Variants in GRIN2A observed in about 807,000 individuals in gnomAD.
The protein encoded by GRIN2A is glutamate receptor ionotropic, NMDA 2A.
A neutral mutation model predicts 113.4 loss-of-function variants in GRIN2A; 22 were observed. That is an observed-to-expected ratio of 0.19 (90% CI 0.14 to 0.28). The LOEUF (loss-of-function observed/expected upper bound fraction) is 0.28. Among genes scored for constraint, GRIN2A ranks in the 10% least tolerant of loss-of-function variants. GRIN2A has a pLI of 1.00. For synonymous variants in GRIN2A, 827 were observed against 738.4 expected (o/e 1.12, Z -1.94); for missense variants, 1,502 against 1,887.0 (o/e 0.80, Z 3.78).
At chr16:10,043,990 C>CGTGT (rs754929136) in intron 2 of GRIN2A, among the ~76,000 whole-genome samples, 3 of 107,600 alleles carry the variant, frequency 2.8e-5, no homozygotes, top group South Asian at 3.7e-4. Context: ...TATACACATA[C>CGTGT]GTGTGTGTGT....
At chr16:10,030,561 G>C (rs1013643040) in intron 2 of GRIN2A, among the ~76,000 whole-genome samples, 1 of 152,172 alleles carries the variant, frequency 6.6e-6, no homozygotes, top group African/African-American at 2.4e-5. Context: ...TCTCACACAA[G>C]GATCAGGCGT....
chr16:10,160,027 C>G (rs1233518442), intron 2 of GRIN2A, among the ~76,000 whole-genome samples: 2 of 152,204 alleles, frequency 1.3e-5, no homozygotes, highest in East Asian at 3.9e-4. Context: ...AGAGGGAGCA[C>G]AGCTTTGCTG....
intron 2 of GRIN2A, among the ~76,000 whole-genome samples, chr16:10,076,100 G>T (rs560661575): frequency 6.6e-6 from 1 of 152,114 alleles, no homozygotes; most frequent in African/African-American, 2.4e-5. Flanking sequence ...CCTTAGGATC[G>T]GACATAGGGC....
At chr16:9,834,019 G>C (rs945037974) in intron 8 of GRIN2A, 86 bp downstream of exon 8, 1 of 1,326,364 alleles carries the variant, frequency 7.5e-7, no homozygotes, top group Non-Finnish European at 1.1e-6. Flanking sequence ...GCCTGGTCTA[G>C]AGTAATGTGT....
At chr16:9,805,480 TCAAAC>T (rs1447853946) in intron 10 of GRIN2A, 1 of 152,106 alleles carries the variant, frequency 6.6e-6, no homozygotes, top group African/African-American at 2.4e-5. Flanking sequence ...TTTTTTCAGA[TCAAAC>T]CAAACCCTTG....
chr16:9,902,048 A>G (rs1243329551), intron 3 of GRIN2A, among the ~76,000 whole-genome samples: 1 of 151,986 alleles, frequency 6.6e-6, no homozygotes, highest in African/African-American at 2.4e-5. Context: ...GAGAAAACAG[A>G]GGTGGGTTTT....
At chr16:9,863,422 A>G (rs1033544766) in intron 4 of GRIN2A, among the ~76,000 whole-genome samples, 1 of 152,076 alleles carries the variant, frequency 6.6e-6, no homozygotes, top group Non-Finnish European at 1.5e-5. Context: ...TGACAGTTTT[A>G]CTTCTTCCAT....
chr16:9,923,645 G>C (rs1278139448), intron 3 of GRIN2A, among the ~76,000 whole-genome samples: 6 of 151,940 alleles, frequency 3.9e-5, no homozygotes, highest in African/African-American at 1.5e-4. Context: ...TTATCTTCAA[G>C]TGATGTTATA....
intron 10 of GRIN2A, among the ~76,000 whole-genome samples, chr16:9,810,818 C>A (rs974105041): frequency 6.6e-6 from 1 of 152,178 alleles, no homozygotes. Context: ...ACTGGGGACA[C>A]CTGAAGGTGC....
chr16:9,845,208 C>T (rs1057361152), intron 5 of GRIN2A, among the ~76,000 whole-genome samples: 7 of 152,080 alleles, frequency 4.6e-5, no homozygotes, highest in Non-Finnish European at 7.4e-5. Flanking sequence ...AAACCAAAAA[C>T]GTGAATTTGA....
At position 9,757,633 on chromosome 16, in the gene GRIN2A, G is replaced by C. The variant is rs1259125482; in HGVS notation, c.*5516C>G. 4.5e-6 allele frequency: 1 copy of C among 222,138 alleles called. No individual in the cohort carries two copies. Among genetic ancestry groups the C allele is most frequent in the Admixed American group, 5.7e-5 (1 of 17,392 alleles). 13.8% of individuals were successfully genotyped at this position (222,138 alleles called of 1,614,324 possible). The stretch of plus-strand genomic sequence containing the variant: ...ACATTCAGTGAAGTCCTATTAGCTG[G>C]TCAATGTGCTTGGTTCTTCCTCAAT... On this transcript the variant is annotated 3_prime_UTR_variant, in exon 13 of 13. Transcript: ENST00000330684.
At chr16:9,888,945 C>A (rs971758029) in intron 4 of GRIN2A, among the ~76,000 whole-genome samples, 1 of 151,996 alleles carries the variant, frequency 6.6e-6, no homozygotes, top group African/African-American at 2.4e-5. Flanking sequence ...CCTCAGATAG[C>A]CCCCACTTAT....
At chr16:9,841,195 A>G in intron 5 of GRIN2A, 91 bp from the exon 6 acceptor site, 1 of 1,107,416 alleles carries the variant, frequency 9.0e-7, no homozygotes, top group Non-Finnish European at 1.4e-6. Flanking sequence ...TTTTCAGATG[A>G]GTAAACTGAA....
At chr16:10,158,370 A>G (rs1003120993) in intron 2 of GRIN2A, among the ~76,000 whole-genome samples, 3 of 152,218 alleles carry the variant, frequency 2.0e-5, no homozygotes, top group Admixed American at 6.5e-5. Flanking sequence ...TCTATCCTCA[A>G]TAAGTCAAGC....
At chr16:9,943,254 T>C (rs2044932705) in intron 2 of GRIN2A, 1 of 152,316 alleles carries the variant, frequency 6.6e-6, no homozygotes, top group Non-Finnish European at 1.5e-5. Flanking sequence ...TACACCCACT[T>C]TGGTTCTGAA....
intron 2 of GRIN2A, among the ~76,000 whole-genome samples, chr16:10,164,585 G>C (rs566143891): frequency 1.3e-5 from 2 of 152,198 alleles, no homozygotes; most frequent in Non-Finnish European, 2.9e-5. Context: ...TTAAAGCAAT[G>C]ATTGAAACAA....
rs1902609898 is a variant in GRIN2A at position 9,791,606 on chromosome 16, T to A, written c.2356+6671A>T. 2.6e-5 allele frequency among the ~76,000 whole-genome samples: 4 copies of A among 152,102 alleles called. No individual in the cohort carries two copies. The South Asian group carries it at 8.3e-4, about 32-fold the overall frequency. ...AGACTCGGATGTCAGCCCAAAGATA[T>A]TAAGCTGGGAAGTTGATCAAGGGCA... is the stretch of plus-strand genomic sequence containing the variant. On this transcript the variant is annotated intron_variant, in intron 11 of 12. Coordinates refer to ENST00000330684, the MANE Select transcript of GRIN2A (RefSeq NM_001134407.3).
At chr16:9,828,842 C>T (rs954178757) in intron 9 of GRIN2A, among the ~76,000 whole-genome samples, 2 of 151,968 alleles carry the variant, frequency 1.3e-5, no homozygotes, top group Admixed American at 6.6e-5. Context: ...ATTAAAAAAA[C>T]AGAAAGAAAG....
At chr16:10,138,261 T>C (rs1344871897) in intron 2 of GRIN2A, among the ~76,000 whole-genome samples, 1 of 152,246 alleles carries the variant, frequency 6.6e-6, no homozygotes, top group Admixed American at 6.5e-5. Flanking sequence ...TCGATCACTA[T>C]TCAACTGTGA....
Sources: allele counts gnomAD v4.1 joint callset (sites outside exome capture counted in the v4.1 genomes callset), GRCh38; gene constraint gnomAD v4.1.1; transcripts MANE v1.5; gene names NCBI Gene and HGNC (gene_info 2026-07-23, HGNC 2026-07-21).